HCRTR2: variants seen among roughly 807,000 people sequenced by gnomAD.
HCRTR2 encodes orexin receptor type 2.
A neutral mutation model predicts 49.0 loss-of-function variants in HCRTR2; 22 were observed. The ratio of observed to expected loss-of-function variants is 0.45; its 90% CI spans 0.32 to 0.64. The LOEUF (loss-of-function observed/expected upper bound fraction) is 0.64. Among genes scored for constraint, HCRTR2 ranks in the 30% least tolerant of loss-of-function variants. The probability of loss-of-function intolerance (pLI) is 0.04; values close to 1 mark genes in which losing one functional copy is unlikely to be tolerated. For synonymous variants in HCRTR2, 236 were observed against 205.3 expected, an observed-to-expected ratio of 1.15 and a Z score of -1.28; for missense variants, 491 against 559.4, an observed-to-expected ratio of 0.88 and a Z score of 1.23.
At chr6:55,111,800 A>T (rs561149140) in intron 1 of HCRTR2, among the ~76,000 whole-genome samples, 1 of 152,228 alleles carries the variant, frequency 6.6e-6, no homozygotes, top group East Asian at 1.9e-4. Context: ...CTATGAAGCC[A>T]GCATCATCCT....
At chr6:55,148,096 A>T (rs1764618333) in intron 1 of HCRTR2, among the ~76,000 whole-genome samples, 1 of 152,198 alleles carries the variant, frequency 6.6e-6, no homozygotes, top group South Asian at 2.1e-4. Flanking sequence ...TCCAATGGTG[A>T]GGCAAACCAA....
chr6:55,212,262 C>T (rs532426792), intron 1 of HCRTR2, among the ~76,000 whole-genome samples: 1 of 147,812 alleles, frequency 6.8e-6, no homozygotes, highest in Admixed American at 7.1e-5. Flanking sequence ...CAAGACCATA[C>T]AAATTTGGAA....
At chr6:55,170,049 GA>G (rs11394115), upstream of HCRTR2, among the ~76,000 whole-genome samples, 3 of 149,746 alleles carry the variant, frequency 2.0e-5, no homozygotes, top group East Asian at 5.9e-4. Context: ...TAACCACCAA[GA>G]AAAAAAAATA....
intron 3 of HCRTR2, among the ~76,000 whole-genome samples, chr6:55,258,672 T>G (rs753465454): frequency 2.0e-5 from 3 of 152,184 alleles, no homozygotes; most frequent in African/African-American, 4.8e-5. Flanking sequence ...GTCACATCAT[T>G]TCATACTTCT....
chr6:55,199,157 T>C (rs1462117569), intron 1 of HCRTR2, among the ~76,000 whole-genome samples: 1 of 152,110 alleles, frequency 6.6e-6, no homozygotes, highest in African/African-American at 2.4e-5. Flanking sequence ...ATGGGTATTG[T>C]AATGACAAAA....
chr6:55,229,960 A>T (rs1766083393), intron 1 of HCRTR2, among the ~76,000 whole-genome samples: 1 of 152,186 alleles, frequency 6.6e-6, no homozygotes, highest in Admixed American at 6.5e-5. Context: ...ACACCGCTTC[A>T]CAGGCAAAAA....
chr6:55,275,184 C>T (rs1184807477), intron 4 of HCRTR2, among the ~76,000 whole-genome samples: 1 of 152,110 alleles, frequency 6.6e-6, no homozygotes, highest in Non-Finnish European at 1.5e-5. Flanking sequence ...CATGCTATTT[C>T]CAATTCATAA....
intron 1 of HCRTR2, among the ~76,000 whole-genome samples, chr6:55,164,140 A>C (rs1764844166): frequency 6.6e-6 from 1 of 152,180 alleles, no homozygotes; most frequent in South Asian, 2.1e-4. Flanking sequence ...GCTGGAGAGG[A>C]TGTGGAGAAA....
chr6:55,145,396 TTTTTTTTTG>T (rs1381521494), intron 1 of HCRTR2, among the ~76,000 whole-genome samples: 14 of 105,466 alleles, frequency 1.3e-4, no homozygotes, highest in Middle Eastern at 5.2e-3. Context: ...ATTCTTTGTT[TTTTTTTTTG>T]TTTTTTTGTT....
At position 55,137,319 on chromosome 6, in the gene HCRTR2, C is replaced by T. The variant is rs150848436; in HGVS notation, c.-378+30774C>T. Among the ~76,000 whole-genome samples, 510 of 152,302 alleles carry T rather than the reference C, an allele frequency of 3.3e-3. 7 individuals are homozygous for T. The highest frequency in any genetic ancestry group is 0.012 in the African/African-American group (484 of 41,574). ...CTGAAAGGCAGCCAGCTAAAACCTT[C>T]CTTACACTCTGAAAACAGTAGCCTG... is the stretch of plus-strand genomic sequence containing the variant. On this transcript the variant is annotated intron_variant, in intron 1 of 7. Coordinates refer to the HCRTR2 transcript ENST00000615358.
chr6:55,277,462 C>T lies in HCRTR2; in HGVS notation c.845C>T (p.Thr282Met), dbSNP rs749681835. The change falls in exon 5 of 7, where the codon ACG becomes ATG. Residue 282 changes from threonine (T) to methionine (M), a missense_variant. Physicochemically the swap from Thr to Met is moderately conservative, Grantham distance 81 (BLOSUM62 -1). Transcript: ENST00000370862. Reference protein sequence around the residue: ...VSQPRGPGQPTKSRMSAVAAE... With the variant: ...VSQPRGPGQPMKSRMSAVAAE... The stretch of plus-strand genomic sequence containing the variant: ...CAGCCTCGAGGGCCAGGACAGCCAA[C>T]GAAGTCCCGGATGAGCGCTGTGGCG... 3 of 1,613,994 alleles carry T rather than the reference C, an allele frequency of 1.9e-6. No individual in the cohort carries two copies. The highest frequency in any genetic ancestry group is 2.7e-5 in the African/African-American group (2 of 74,934).
At chr6:55,126,659 C>G (rs1764282592) in intron 1 of HCRTR2, among the ~76,000 whole-genome samples, 1 of 152,294 alleles carries the variant, frequency 6.6e-6, no homozygotes, top group African/African-American at 2.4e-5. Flanking sequence ...AGCGGTCAGG[C>G]AGGGATATTT....
At chr6:55,252,198 T>C (rs1321450635) in intron 2 of HCRTR2, among the ~76,000 whole-genome samples, 1 of 152,136 alleles carries the variant, frequency 6.6e-6, no homozygotes, top group African/African-American at 2.4e-5. Context: ...TACTGTTAGA[T>C]ACATCACACT....
At chr6:55,257,589 T>C (rs923423854) in intron 3 of HCRTR2, among the ~76,000 whole-genome samples, 3 of 145,158 alleles carry the variant, frequency 2.1e-5, no homozygotes, top group Non-Finnish European at 4.7e-5. Flanking sequence ...TGCAAAGTCA[T>C]GGATTCCTGT....
chr6:55,201,563 AAT>A (rs2127284710), intron 1 of HCRTR2, among the ~76,000 whole-genome samples: 1 of 152,282 alleles, frequency 6.6e-6, no homozygotes, highest in South Asian at 2.1e-4. Flanking sequence ...CTCATTTATA[AAT>A]ATGTTTTTAA....
chr6:55,162,257 T>C (rs180931258), intron 1 of HCRTR2, among the ~76,000 whole-genome samples: 1 of 152,336 alleles, frequency 6.6e-6, no homozygotes, highest in African/African-American at 2.4e-5. Flanking sequence ...TCTCAATAGA[T>C]GCAGAAAAGG....
intron 1 of HCRTR2, among the ~76,000 whole-genome samples, chr6:55,215,014 C>A (rs1251033966): frequency 2.6e-5 from 4 of 152,170 alleles, no homozygotes; most frequent in African/African-American, 7.2e-5. Context: ...CATAAAGCAT[C>A]ATTGACAAAA....
intron 1 of HCRTR2, among the ~76,000 whole-genome samples, chr6:55,109,330 A>G (rs1561973718): frequency 6.6e-6 from 1 of 152,186 alleles, no homozygotes; most frequent in Non-Finnish European, 1.5e-5. Context: ...CAACCCCAGA[A>G]GATCACACTA....
At chr6:55,280,766 T>A (rs1462784778) in intron 6 of HCRTR2, among the ~76,000 whole-genome samples, 1 of 152,230 alleles carries the variant, frequency 6.6e-6, no homozygotes, top group Admixed American at 6.6e-5. Context: ...TACTTTGTTC[T>A]GTTTTGCCTT....
Sources: allele counts gnomAD v4.1 joint callset (sites outside exome capture counted in the v4.1 genomes callset), GRCh38; gene constraint gnomAD v4.1.1; transcripts MANE v1.5; gene names NCBI Gene and HGNC (gene_info 2026-07-23, HGNC 2026-07-21).